The following TNS3 variants were observed in gnomAD, a reference collection of about 807,000 sequenced individuals.
TNS3 encodes the protein tensin-3.
TNS3 carries 45 observed loss-of-function variants against 140.9 expected under a neutral mutation model. The ratio of observed to expected loss-of-function variants is 0.32; its 90% CI spans 0.25 to 0.41. The LOEUF (loss-of-function observed/expected upper bound fraction) is 0.41. Among genes scored for constraint, TNS3 ranks in the 10% least tolerant of loss-of-function variants. The pLI is 1.00. For missense variants in TNS3, 1,716 were observed against 1,906.7 expected (o/e 0.90, Z 1.86); for synonymous variants, 815 against 788.4 (o/e 1.03, Z -0.56).
At chr7:47,331,182 G>C (rs930395996) in intron 20 of TNS3, among the ~76,000 whole-genome samples, 24 of 152,180 alleles carry the variant, frequency 1.6e-4, no homozygotes, top group Non-Finnish European at 2.1e-4. Context: ...GGGAAGGATA[G>C]TCAGGGTGAC....
chr7:47,447,958 A>G (rs933269979), intron 4 of TNS3, among the ~76,000 whole-genome samples: 9 of 152,362 alleles, frequency 5.9e-5, no homozygotes, highest in African/African-American at 2.2e-4. Flanking sequence ...CTGGGAGCAG[A>G]ACAAGGGAAG....
At chr7:47,402,801 G>T (rs1021502681) in intron 13 of TNS3, among the ~76,000 whole-genome samples, 3 of 152,182 alleles carry the variant, frequency 2.0e-5, no homozygotes, top group Admixed American at 2.0e-4. Context: ...GAAGGGAAAA[G>T]GAAAAGAGAT....
Position 47,428,367 on chromosome 7 carries a change from C to G in TNS3, c.334G>C (p.Gly112Arg). The change falls in exon 9 of 31, where the codon GGA becomes CGA. Residue 112 changes from glycine to arginine, a missense_variant. Transcript: ENST00000311160. ...VVVIHCRGGK[G>R]RIGVVISSYM... Reference sequence around the variant, plus strand: ...GATGATATGACCACTCCTATGCGTCCTTTCCCGCCCTGCAGGAGACAAAAG... The same window carrying G: ...GATGATATGACCACTCCTATGCGTCGTTTCCCGCCCTGCAGGAGACAAAAG... 1 of 1,440,194 alleles carries G rather than the reference C, an allele frequency of 6.9e-7. No homozygotes were observed. Among genetic ancestry groups the G allele is most frequent in the East Asian group, 2.7e-5 (1 of 37,038 alleles). The allele number at this position is 1,440,194 out of a possible 1,614,324, so 89.2% of individuals were successfully genotyped here.
intron 1 of TNS3, among the ~76,000 whole-genome samples, chr7:47,574,648 C>CA (rs1554359447): frequency 0.056 from 8,386 of 150,624 alleles, 573 homozygotes; most frequent in African/African-American, 0.17. Flanking sequence ...CACACACACA[C>CA]CCCCACACAC....
intron 4 of TNS3, among the ~76,000 whole-genome samples, chr7:47,474,438 A>G (rs1470387753): frequency 2.0e-5 from 3 of 150,444 alleles, no homozygotes; most frequent in Non-Finnish European, 3.0e-5. Flanking sequence ...AACACACACT[A>G]CACATACAAC....
chr7:47,505,791 GTGCATGTGTATTTATGTGCA>G (rs1377076366), intron 3 of TNS3, among the ~76,000 whole-genome samples: 2 of 152,202 alleles, frequency 1.3e-5, no homozygotes, highest in African/African-American at 2.4e-5. Flanking sequence ...ATGTGTTTGT[GTGCATGTGTATTTATGTGCA>G]TGCATGTGTA....
chr7:47,379,175 GTACC>G (rs1293653153), intron 16 of TNS3, among the ~76,000 whole-genome samples: 1 of 152,168 alleles, frequency 6.6e-6, no homozygotes, highest in East Asian at 1.9e-4. Flanking sequence ...TGTCCCAAGG[GTACC>G]TGATCCCTGG....
intron 4 of TNS3, among the ~76,000 whole-genome samples, chr7:47,471,476 C>T (rs77838941): frequency 0.014 from 2,174 of 152,260 alleles, 55 homozygotes; most frequent in African/African-American, 0.048. Flanking sequence ...AACCTTGGCT[C>T]CCACTGACTT....
intron 1 of TNS3, among the ~76,000 whole-genome samples, chr7:47,540,989 C>A (rs1374717477): frequency 6.6e-6 from 1 of 152,134 alleles, no homozygotes; most frequent in East Asian, 1.9e-4. Context: ...CCTGGAGGAC[C>A]CCTGGCAGTC....
chr7:47,299,392 A>G (rs1305366281), intron 23 of TNS3, among the ~76,000 whole-genome samples: 1 of 149,272 alleles, frequency 6.7e-6, no homozygotes, highest in African/African-American at 2.5e-5. Flanking sequence ...CTCCCACCTC[A>G]GCTTCCCTAA....
intron 3 of TNS3, among the ~76,000 whole-genome samples, chr7:47,487,781 C>G (rs1797666096): frequency 6.6e-6 from 1 of 152,162 alleles, no homozygotes; most frequent in Admixed American, 6.5e-5. Flanking sequence ...AGTTTTAACT[C>G]TAAGATAAGT....
At chr7:47,316,558 T>TTG (rs1787423181) in intron 20 of TNS3, among the ~76,000 whole-genome samples, 2 of 151,566 alleles carry the variant, frequency 1.3e-5, no homozygotes, top group African/African-American at 4.8e-5. Context: ...GTTTTTGTTT[T>TTG]TTTTTTTTAA....
At chr7:47,442,466 C>T (rs1448379694) in intron 4 of TNS3, among the ~76,000 whole-genome samples, 1 of 152,188 alleles carries the variant, frequency 6.6e-6, no homozygotes, top group African/African-American at 2.4e-5. Context: ...TCAGTCATAC[C>T]TACTCTTTTT....
chr7:47,380,091 C>G (rs980410705), intron 16 of TNS3, among the ~76,000 whole-genome samples: 9 of 152,366 alleles, frequency 5.9e-5, no homozygotes, highest in African/African-American at 2.2e-4. Flanking sequence ...CTCCCGCGGT[C>G]TCCTGGGTGA....
intron 4 of TNS3, among the ~76,000 whole-genome samples, chr7:47,463,597 A>C (rs895040938): frequency 6.6e-6 from 1 of 152,194 alleles, no homozygotes; most frequent in African/African-American, 2.4e-5. Flanking sequence ...TCAGCACTAC[A>C]CTTGCATTTT....
chr7:47,544,360 C>T (rs6955688), intron 1 of TNS3, among the ~76,000 whole-genome samples: 12,418 of 152,200 alleles, frequency 0.082, 1,696 homozygotes, highest in African/African-American at 0.28. Flanking sequence ...CCCACAGCTA[C>T]GGGCTCTCTG....
chr7:47,526,697 A>G (rs334526), intron 2 of TNS3, among the ~76,000 whole-genome samples: 131,487 of 152,174 alleles, frequency 0.86, 57,555 homozygotes, highest in Non-Finnish European at 0.93. Context: ...ATCACAGGGT[A>G]AGGAAGCCGA....
At chr7:47,303,663 G>A (rs769308806) in intron 21 of TNS3, 79 bp from the exon 22 acceptor site, 17 of 1,455,948 alleles carry the variant, frequency 1.2e-5, no homozygotes, top group East Asian at 5.0e-5. Context: ...TCACCCACAC[G>A]GGAAGACAGG....
chr7:47,567,030 CAAA>C (rs541987899), intron 1 of TNS3, among the ~76,000 whole-genome samples: 7 of 98,750 alleles, frequency 7.1e-5, no homozygotes, highest in Non-Finnish European at 1.4e-4. Flanking sequence ...GACTCCATCT[CAAA>C]AAAAAAAAAA....
Sources: gnomAD v4.1 joint callset for allele counts (sites outside exome capture counted in the v4.1 genomes callset) on GRCh38, gnomAD v4.1.1 for gene constraint, MANE v1.5 for transcripts, NCBI Gene and HGNC (gene_info 2026-07-23, HGNC 2026-07-21) for gene names.